Variants in RABGAP1L observed in about 807,000 individuals in gnomAD.
RABGAP1L encodes RAB GTPase activating protein 1 like.
A neutral mutation model predicts 137.7 loss-of-function variants in RABGAP1L; 63 were observed. That is an observed-to-expected ratio of 0.46 (90% CI 0.37 to 0.56). The LOEUF is 0.56. Among genes scored for constraint, RABGAP1L ranks in the 20% least tolerant of loss-of-function variants. RABGAP1L has a pLI of 0.00. For synonymous variants in RABGAP1L, 431 were observed against 433.7 expected, an observed-to-expected ratio of 0.99 and a Z score of 0.08; for missense variants, 1,095 against 1,244.0, an observed-to-expected ratio of 0.88 and a Z score of 1.80.
At chr1:174,902,750 A>G (rs1558212071) in intron 19 of RABGAP1L, among the ~76,000 whole-genome samples, 2 of 152,040 alleles carry the variant, frequency 1.3e-5, no homozygotes, top group Non-Finnish European at 2.9e-5. Context: ...TTTTGGCTCT[A>G]TGCCACTCCT....
At chr1:174,358,843 AGT>A (rs1683884265) in intron 11 of RABGAP1L, among the ~76,000 whole-genome samples, 1 of 152,162 alleles carries the variant, frequency 6.6e-6, no homozygotes, top group Admixed American at 6.6e-5. Flanking sequence ...CTTATGGCCA[AGT>A]ACTAATCTAG....
At chr1:174,233,230 G>A (rs1220826279) in intron 4 of RABGAP1L, among the ~76,000 whole-genome samples, 2 of 151,552 alleles carry the variant, frequency 1.3e-5, no homozygotes, top group Non-Finnish European at 2.9e-5. Flanking sequence ...GCAGATTTGT[G>A]TGTATGTGTG....
chr1:174,647,806 G>A (rs1309402127), intron 14 of RABGAP1L, among the ~76,000 whole-genome samples: 1 of 152,062 alleles, frequency 6.6e-6, no homozygotes, highest in Non-Finnish European at 1.5e-5. Flanking sequence ...TGTACCTCTG[G>A]TAGAATTCAA....
chr1:174,336,187 A>G (rs1375186069), intron 11 of RABGAP1L, among the ~76,000 whole-genome samples: 1 of 152,226 alleles, frequency 6.6e-6, no homozygotes, highest in African/African-American at 2.4e-5. Flanking sequence ...ATCATGGCTC[A>G]CTGTAGCCTT....
At chr1:174,552,518 A>G (rs1418014567) in intron 13 of RABGAP1L, among the ~76,000 whole-genome samples, 3 of 151,972 alleles carry the variant, frequency 2.0e-5, no homozygotes, top group Non-Finnish European at 4.4e-5. Flanking sequence ...CTTTTTTATG[A>G]CTGTATAGTA....
intron 25 of RABGAP1L, among the ~76,000 whole-genome samples, chr1:174,989,223 G>A (rs1291136748): frequency 3.9e-5 from 6 of 152,102 alleles, no homozygotes; most frequent in Admixed American, 2.6e-4. Context: ...GCTGACACCC[G>A]TTCTTTCCTT....
At chr1:174,849,550 T>C (rs1647853203) in intron 19 of RABGAP1L, 2 of 333,742 alleles carry the variant, frequency 6.0e-6, no homozygotes, top group African/African-American at 4.3e-5. Flanking sequence ...GGTCAATAAA[T>C]ATTAAGAGTA....
chr1:174,692,888 G>C (rs894320833), intron 15 of RABGAP1L, among the ~76,000 whole-genome samples: 2 of 151,896 alleles, frequency 1.3e-5, no homozygotes, highest in Non-Finnish European at 2.9e-5. Flanking sequence ...TAATTTTTTA[G>C]AAGTAAAAAA....
At chr1:174,611,433 C>A (rs12127805) in intron 13 of RABGAP1L, among the ~76,000 whole-genome samples, 1 of 150,886 alleles carries the variant, frequency 6.6e-6, no homozygotes, top group Admixed American at 6.6e-5. Context: ...TTTGGTACCA[C>A]TACCATGCTG....
At chr1:174,182,800 AAT>A (rs1333271738) in intron 1 of RABGAP1L, among the ~76,000 whole-genome samples, 10 of 152,322 alleles carry the variant, frequency 6.6e-5, no homozygotes, top group Admixed American at 4.6e-4. Context: ...TAGAACTGCA[AAT>A]ATGTGTTGCC....
intron 19 of RABGAP1L, among the ~76,000 whole-genome samples, chr1:174,914,801 C>T (rs925484816): frequency 6.6e-6 from 1 of 152,084 alleles, no homozygotes; most frequent in Admixed American, 6.6e-5. Flanking sequence ...CCTAAAATTC[C>T]TTCATGCTCA....
At chr1:174,628,434 T>G (rs1319283143) in intron 13 of RABGAP1L, among the ~76,000 whole-genome samples, 1 of 152,226 alleles carries the variant, frequency 6.6e-6, no homozygotes, top group Admixed American at 6.5e-5. Flanking sequence ...GGGAAAAATA[T>G]TTCTTGTCAT....
intron 19 of RABGAP1L, among the ~76,000 whole-genome samples, chr1:174,878,554 A>G (rs1653550507): frequency 6.6e-6 from 1 of 152,164 alleles, no homozygotes. Context: ...CTACAATTGT[A>G]GTAACTTCTT....
At chr1:174,850,800 A>C (rs1356495146) in intron 19 of RABGAP1L, among the ~76,000 whole-genome samples, 1 of 152,224 alleles carries the variant, frequency 6.6e-6, no homozygotes, top group African/African-American at 2.4e-5. Context: ...ATGAGCCTTG[A>C]AAGCAGAGAG....
intron 13 of RABGAP1L, among the ~76,000 whole-genome samples, chr1:174,603,614 C>T (rs1466499359): frequency 6.6e-6 from 1 of 152,084 alleles, no homozygotes. Context: ...CTCTTCTTTC[C>T]TCAAGTATAA....
intron 23 of RABGAP1L, among the ~76,000 whole-genome samples, chr1:174,980,928 C>T (rs6688809): frequency 8.7e-4 from 129 of 147,716 alleles, no homozygotes; most frequent in Non-Finnish European, 1.4e-3. Flanking sequence ...TTTTGCTAGA[C>T]GAGAAAACCT....
At chr1:174,613,752 G>T (rs1294981883) in intron 13 of RABGAP1L, among the ~76,000 whole-genome samples, 2 of 152,172 alleles carry the variant, frequency 1.3e-5, no homozygotes, top group Admixed American at 6.5e-5. Flanking sequence ...TGTATTGGGT[G>T]CATATATATT....
chr1:174,430,448 C>A (rs1652497264), intron 13 of RABGAP1L, among the ~76,000 whole-genome samples: 1 of 152,074 alleles, frequency 6.6e-6, no homozygotes, highest in East Asian at 1.9e-4. Context: ...GGGTTCCAGA[C>A]CTCAAACAAT....
intron 19 of RABGAP1L, among the ~76,000 whole-genome samples, chr1:174,948,442 C>A (rs1391239274): frequency 1.4e-5 from 2 of 144,252 alleles, no homozygotes; most frequent in Non-Finnish European, 3.0e-5. Flanking sequence ...TCACTTGAGC[C>A]CAGGAGGTCG....
Sources: gnomAD v4.1 joint callset for allele counts (sites outside exome capture counted in the v4.1 genomes callset) on GRCh38, gnomAD v4.1.1 for gene constraint, MANE v1.5 for transcripts, NCBI Gene and HGNC (gene_info 2026-07-23, HGNC 2026-07-21) for gene names.